Variants in DLGAP2 observed in about 807,000 individuals in gnomAD.
DLGAP2 encodes disks large-associated protein 2.
In DLGAP2, 26 loss-of-function variants were observed where a neutral mutation model predicts 100.3. The observed-to-expected ratio is 0.26, with a 90% confidence interval of 0.19 to 0.36. The LOEUF (loss-of-function observed/expected upper bound fraction) is 0.36, where lower values mean the gene tolerates loss of function less well. Ranked by LOEUF, DLGAP2 falls within the 10% of genes least tolerant of loss-of-function variation. The pLI, the probability that DLGAP2 is intolerant of heterozygous loss-of-function variation, is 1.00. For synonymous variants in DLGAP2, 886 were observed against 630.1 expected (o/e 1.41, Z -6.08); for missense variants, 1,858 against 1,453.2 (o/e 1.28, Z -4.53).
intron 3 of DLGAP2, among the ~76,000 whole-genome samples, chr8:1,277,900 G>A (rs967866884): frequency 1.3e-5 from 2 of 152,204 alleles, no homozygotes; most frequent in East Asian, 1.9e-4. Flanking sequence ...TGCTGACAGC[G>A]GAAACGTTAT....
chr8:1,283,579 ATT>A (rs953446456), intron 3 of DLGAP2, among the ~76,000 whole-genome samples: 2 of 152,138 alleles, frequency 1.3e-5, no homozygotes, highest in African/African-American at 4.8e-5. Flanking sequence ...CCAGTTTTCT[ATT>A]TGTCTTTGCT....
chr8:1,210,550 G>A (rs758476507), intron 2 of DLGAP2, among the ~76,000 whole-genome samples: 1 of 152,218 alleles, frequency 6.6e-6, no homozygotes, highest in African/African-American at 2.4e-5. Context: ...CACAGCACAG[G>A]CCCACTGAGT....
intron 2 of DLGAP2, among the ~76,000 whole-genome samples, chr8:965,305 CTGAGT>C (rs1799828449): frequency 7.5e-6 from 1 of 134,104 alleles, no homozygotes; most frequent in Admixed American, 7.4e-5. Context: ...CACAGGGCTC[CTGAGT>C]CTGACCCCTG....
At chr8:1,323,976 A>G (rs1408930130) in intron 3 of DLGAP2, among the ~76,000 whole-genome samples, 1 of 152,216 alleles carries the variant, frequency 6.6e-6, no homozygotes, top group Admixed American at 6.5e-5. Context: ...GCGCGTTTCG[A>G]CACAGTAAAG....
chr8:935,350 G>A (rs1431032026), intron 2 of DLGAP2, among the ~76,000 whole-genome samples: 1 of 152,198 alleles, frequency 6.6e-6, no homozygotes, highest in Non-Finnish European at 1.5e-5. Flanking sequence ...CGGCTCCTCA[G>A]TCCAGAGGGT....
At chr8:1,213,533 G>A (rs185442031) in intron 2 of DLGAP2, among the ~76,000 whole-genome samples, 1 of 152,112 alleles carries the variant, frequency 6.6e-6, no homozygotes, top group Non-Finnish European at 1.5e-5. Context: ...GTTTTAGTGA[G>A]GGATTTCCAC....
intron 2 of DLGAP2, among the ~76,000 whole-genome samples, chr8:908,790 G>A (rs1295478320): frequency 6.6e-6 from 1 of 152,164 alleles, no homozygotes; most frequent in Non-Finnish European, 1.5e-5. Context: ...AAAAGCAATC[G>A]TGTGCTGTCA....
chr8:865,711 T>A (rs543446476), intron 1 of DLGAP2, among the ~76,000 whole-genome samples: 37 of 152,324 alleles, frequency 2.4e-4, no homozygotes, highest in Non-Finnish European at 4.7e-4. Flanking sequence ...CTCTTCTTTT[T>A]ATAAGGCCGC....
chr8:794,746 G>A (rs905154093), intron 1 of DLGAP2, among the ~76,000 whole-genome samples: 1 of 152,182 alleles, frequency 6.6e-6, no homozygotes, highest in Non-Finnish European at 1.5e-5. Context: ...GCCAGTTTAT[G>A]GCCAGATTTT....
chr8:1,617,140 G>A (rs542436667), intron 6 of DLGAP2, among the ~76,000 whole-genome samples: 14 of 152,280 alleles, frequency 9.2e-5, no homozygotes, highest in Non-Finnish European at 1.6e-4. Context: ...CCATTGATGG[G>A]CATTTAGGTT....
At chr8:1,146,514 G>C (rs1462035106) in intron 2 of DLGAP2, among the ~76,000 whole-genome samples, 2 of 152,226 alleles carry the variant, frequency 1.3e-5, no homozygotes, top group Non-Finnish European at 2.9e-5. Context: ...GGTTCTGGAA[G>C]CGTTCCTGCG....
At chr8:1,232,894 T>C (rs1314894737) in intron 2 of DLGAP2, among the ~76,000 whole-genome samples, 1 of 152,248 alleles carries the variant, frequency 6.6e-6, no homozygotes, top group Non-Finnish European at 1.5e-5. Flanking sequence ...AATCTAATTT[T>C]AGAATATTTT....
At position 892,744 on chromosome 8, in the gene DLGAP2, G is replaced by T. The variant is rs2059236554; in HGVS notation, c.19-15168G>T. On this transcript the variant is annotated intron_variant, in intron 1 of 14. Transcript: ENST00000637795. ...ACCAGGCGGGGCAGAGGGATGGGTA[G>T]GAGAGGCCGAGCCAGGCAGGCCATG... 2.0e-5 allele frequency among the ~76,000 whole-genome samples: 3 copies of T among 152,196 alleles called. 1 individual carries two copies. In the South Asian group the frequency reaches 6.2e-4, roughly 32 times the overall value.
At chr8:875,520 G>T (rs1018817706) in intron 1 of DLGAP2, among the ~76,000 whole-genome samples, 1 of 152,190 alleles carries the variant, frequency 6.6e-6, no homozygotes, top group South Asian at 2.1e-4. Context: ...CCTTTCTGCT[G>T]CCATGTGAAG....
At chr8:828,950 T>C (rs1796732736) in intron 1 of DLGAP2, among the ~76,000 whole-genome samples, 1 of 152,224 alleles carries the variant, frequency 6.6e-6, no homozygotes, top group Non-Finnish European at 1.5e-5. Context: ...TAAAACATAT[T>C]ATTTTTTATT....
At chr8:1,584,342 C>T (rs530201649) in intron 6 of DLGAP2, among the ~76,000 whole-genome samples, 1 of 152,276 alleles carries the variant, frequency 6.6e-6, no homozygotes, top group African/African-American at 2.4e-5. Context: ...TCTTAAGCTC[C>T]TTTAGGTTCT....
chr8:871,203 G>A (rs577308446), intron 1 of DLGAP2, among the ~76,000 whole-genome samples: 18 of 152,334 alleles, frequency 1.2e-4, no homozygotes, highest in Admixed American at 9.8e-4. Flanking sequence ...GAGAAGGCCG[G>A]TTGCAGGCCC....
At chr8:1,386,599 C>G (rs1796226075) in intron 3 of DLGAP2, among the ~76,000 whole-genome samples, 1 of 152,136 alleles carries the variant, frequency 6.6e-6, no homozygotes, top group Non-Finnish European at 1.5e-5. Flanking sequence ...CTCTGAGGCT[C>G]CCCTTCGCTC....
chr8:1,551,244 G>C (rs1801755952), intron 5 of DLGAP2, among the ~76,000 whole-genome samples: 1 of 152,204 alleles, frequency 6.6e-6, no homozygotes. Flanking sequence ...AAATGTAAAA[G>C]TTGTGTCTGC....
Sources: allele counts gnomAD v4.1 joint callset (sites outside exome capture counted in the v4.1 genomes callset), GRCh38; gene constraint gnomAD v4.1.1; transcripts MANE v1.5; gene names NCBI Gene and HGNC (gene_info 2026-07-23, HGNC 2026-07-21).